The following VWA3B variants were observed in gnomAD, a reference collection of about 807,000 sequenced individuals.
The protein encoded by VWA3B is von Willebrand factor A domain containing 3B, also known as von Willebrand factor A domain-containing protein 3B.
In VWA3B, 138 loss-of-function variants were observed where a neutral mutation model predicts 158.3. The ratio of observed to expected loss-of-function variants is 0.87; its 90% CI spans 0.76 to 1.00. The LOEUF (loss-of-function observed/expected upper bound fraction) is 1.00. Among genes scored for constraint, VWA3B ranks in the 50% least tolerant of loss-of-function variants. VWA3B has a pLI of 0.00. For synonymous variants in VWA3B, 596 were observed against 587.3 expected (o/e 1.01, Z -0.21); for missense variants, 1,555 against 1,565.1 (o/e 0.99, Z 0.11).
chr2:98,242,236 C>A (rs1686119022), intron 19 of VWA3B: 1 of 456,078 alleles, frequency 2.2e-6, no homozygotes, highest in Non-Finnish European at 4.4e-6. Context: ...TTCTGGAACA[C>A]AATGCTGTTT....
intron 13 of VWA3B, chr2:98,216,713 A>C: frequency 2.1e-6 from 1 of 472,674 alleles, no homozygotes; most frequent in Non-Finnish European, 4.4e-6. Flanking sequence ...AGCTCCTGGC[A>C]AATAAAATGT....
chr2:98,104,081 A>G (rs1683260048), intron 2 of VWA3B, among the ~76,000 whole-genome samples: 2 of 152,230 alleles, frequency 1.3e-5, no homozygotes, highest in African/African-American at 2.4e-5. Context: ...AATGATAAAT[A>G]TCTATAGTCT....
intron 21 of VWA3B, among the ~76,000 whole-genome samples, chr2:98,257,167 T>G (rs534525706): frequency 4.6e-5 from 7 of 152,150 alleles, no homozygotes; most frequent in Non-Finnish European, 4.4e-5. Flanking sequence ...AAGATCAACT[T>G]TTTTTTGTTT....
intron 7 of VWA3B, among the ~76,000 whole-genome samples, chr2:98,149,761 C>T (rs917921001): frequency 2.0e-5 from 3 of 152,148 alleles, no homozygotes; most frequent in Non-Finnish European, 4.4e-5. Context: ...GCCTTAGGTT[C>T]CCTGCCTCCA....
At chr2:98,114,203 T>C (rs1674356348) in intron 2 of VWA3B, among the ~76,000 whole-genome samples, 1 of 152,242 alleles carries the variant, frequency 6.6e-6, no homozygotes, top group Non-Finnish European at 1.5e-5. Context: ...CAATTCCCAA[T>C]ACAGCTTATG....
At chr2:98,170,503 G>T (rs1679492967) in intron 8 of VWA3B, among the ~76,000 whole-genome samples, 1 of 152,194 alleles carries the variant, frequency 6.6e-6, no homozygotes, top group Non-Finnish European at 1.5e-5. Flanking sequence ...TTGAACAAAT[G>T]GAGAGGGGGA....
chr2:98,282,209 A>C (rs17493788), intron 22 of VWA3B, among the ~76,000 whole-genome samples: 3 of 152,022 alleles, frequency 2.0e-5, no homozygotes, highest in African/African-American at 7.3e-5. Context: ...TCATCCTGGG[A>C]AGCCTATGTT....
chr2:98,106,522 T>C (rs1428189600), intron 2 of VWA3B, among the ~76,000 whole-genome samples: 2 of 152,238 alleles, frequency 1.3e-5, no homozygotes, highest in African/African-American at 2.4e-5. Context: ...TTCACGAATA[T>C]GAAATATCTT....
At chr2:98,255,080 C>T (rs1436477672) in intron 20 of VWA3B, among the ~76,000 whole-genome samples, 1 of 151,122 alleles carries the variant, frequency 6.6e-6, no homozygotes, top group East Asian at 1.9e-4. Context: ...GTGGCGTGAT[C>T]TCGGCTCACT....
chr2:98,148,731 C>T (rs1417475354), intron 7 of VWA3B, among the ~76,000 whole-genome samples: 1 of 152,116 alleles, frequency 6.6e-6, no homozygotes, highest in Non-Finnish European at 1.5e-5. Context: ...ACTCATGCAC[C>T]CTTTCTCCAC....
chr2:98,283,917 G>A (rs1352777201), intron 22 of VWA3B, among the ~76,000 whole-genome samples: 1 of 152,216 alleles, frequency 6.6e-6, no homozygotes, highest in Non-Finnish European at 1.5e-5. Context: ...CTTCCTCTGA[G>A]GTCATTTCAA....
In VWA3B at chr2:98,270,479, C is replaced by T. The variant is rs146115440; in HGVS notation, c.2844-203C>T. Among the ~76,000 whole-genome samples the T allele has an allele frequency of 3.6e-3, 541 of 152,338 alleles. 3 individuals are homozygous for T. Among genetic ancestry groups the T allele is most frequent in the Non-Finnish European group, 5.9e-3 (404 of 68,034 alleles). Reference sequence around the variant, plus strand: ...CCATAATTCACAGAGATGGTTATTTCTAACCTTTGCAAGCTACCAAAGTCC... The same window carrying T: ...CCATAATTCACAGAGATGGTTATTTTTAACCTTTGCAAGCTACCAAAGTCC... On this transcript the variant is annotated intron_variant, in intron 21 of 27. Coordinates refer to ENST00000477737, the MANE Select transcript of VWA3B (RefSeq NM_144992.5).
At chr2:98,271,379 GC>G (rs1688190770) in intron 22 of VWA3B, among the ~76,000 whole-genome samples, 1 of 152,096 alleles carries the variant, frequency 6.6e-6, no homozygotes, top group Admixed American at 6.5e-5. Flanking sequence ...CATTAATAAG[GC>G]AAACCTTCTA....
At chr2:98,235,617 G>A (rs977800534) in intron 17 of VWA3B, among the ~76,000 whole-genome samples, 13 of 152,128 alleles carry the variant, frequency 8.5e-5, no homozygotes, top group African/African-American at 3.1e-4. Flanking sequence ...GTAGAGACAG[G>A]GTTCCACCAT....
chr2:98,232,595 A>G (rs971351428), intron 16 of VWA3B, among the ~76,000 whole-genome samples: 9 of 151,952 alleles, frequency 5.9e-5, no homozygotes, highest in Non-Finnish European at 1.2e-4. Flanking sequence ...GTGATTTTTG[A>G]TAGTATCTTG....
At chr2:98,234,529 G>A in intron 16 of VWA3B, 119 bp from the exon 17 acceptor site, 1 of 1,444,086 alleles carries the variant, frequency 6.9e-7, no homozygotes. Context: ...ACCATCCTCA[G>A]AGGGTTGGGA....
chr2:98,128,471 G>A, intron 6 of VWA3B, 63 bp downstream of exon 6: 1 of 1,568,744 alleles, frequency 6.4e-7, no homozygotes, highest in Non-Finnish European at 8.7e-7. Flanking sequence ...AGGATCAACA[G>A]TGGGTCTTGC....
At chr2:98,264,480 G>C (rs1279305984) in intron 21 of VWA3B, among the ~76,000 whole-genome samples, 1 of 151,914 alleles carries the variant, frequency 6.6e-6, no homozygotes, top group East Asian at 1.9e-4. Flanking sequence ...TTGACACATT[G>C]GTTGTTTAAG....
intron 5 of VWA3B, 81 bp downstream of exon 5, chr2:98,121,539 C>G (rs1674962637): frequency 6.5e-7 from 1 of 1,533,340 alleles, no homozygotes; most frequent in African/African-American, 1.4e-5. Flanking sequence ...CTTTACACGG[C>G]CCTTCAACTG....
Sources: allele counts gnomAD v4.1 joint callset (sites outside exome capture counted in the v4.1 genomes callset), GRCh38; gene constraint gnomAD v4.1.1; transcripts MANE v1.5; gene names NCBI Gene and HGNC (gene_info 2026-07-23, HGNC 2026-07-21).